SHISA6: variants seen among roughly 807,000 people sequenced by gnomAD.
The protein encoded by SHISA6 is protein shisa-6.
Under a neutral mutation model 47.9 loss-of-function variants are expected in SHISA6, and 22 were observed. The ratio of observed to expected loss-of-function variants is 0.46; its 90% CI spans 0.33 to 0.66. The LOEUF is 0.66. Among genes scored for constraint, SHISA6 ranks in the 30% least tolerant of loss-of-function variants. The pLI is 0.02. For missense variants in SHISA6, 680 were observed against 764.6 expected (o/e 0.89, Z 1.30); for synonymous variants, 388 against 337.8 (o/e 1.15, Z -1.63).
intron 3 of SHISA6, among the ~76,000 whole-genome samples, chr17:11,447,394 T>C (rs2908948): frequency 0.32 from 48,119 of 151,988 alleles, 8,753 homozygotes; most frequent in Non-Finnish European, 0.42. Flanking sequence ...GAATAATGAG[T>C]GGTTGAACAT....
chr17:11,380,110 TC>T (rs1912962284), intron 3 of SHISA6: 1 of 152,284 alleles, frequency 6.6e-6, no homozygotes, highest in African/African-American at 2.4e-5. Flanking sequence ...GGGCATGGAC[TC>T]CTCCTCAATT....
chr17:11,528,320 G>A (rs1229045073), intron 3 of SHISA6, among the ~76,000 whole-genome samples: 2 of 152,048 alleles, frequency 1.3e-5, no homozygotes, highest in African/African-American at 4.8e-5. Flanking sequence ...CCCTGAAATG[G>A]GAAAATTTTA....
chr17:11,533,207 T>G (rs937861032), intron 3 of SHISA6, among the ~76,000 whole-genome samples: 5 of 152,176 alleles, frequency 3.3e-5, no homozygotes, highest in Non-Finnish European at 7.3e-5. Flanking sequence ...TATGGAGACC[T>G]CAGAGCTGAT....
Position 11,337,196 on chromosome 17 carries a change from AG to A in SHISA6, c.800-42213del, listed in dbSNP as rs373197441. ...AGGTAGTTTATATGGGAGAGGATCC[AG>A]GGGGCAGAAGTGAGAGAGTGGGCAA... On this transcript the variant is annotated intron_variant, in intron 2 of 5. Transcript: ENST00000441885. Among the ~76,000 whole-genome samples the A allele has an allele frequency of 4.5e-3, 692 of 152,296 alleles. 5 individuals carry two copies. Among genetic ancestry groups the A allele is most frequent in the African/African-American group, 0.016 (645 of 41,556 alleles).
chr17:11,254,577 T>C (rs908024960), intron 1 of SHISA6, among the ~76,000 whole-genome samples: 1 of 152,202 alleles, frequency 6.6e-6, no homozygotes, highest in Non-Finnish European at 1.5e-5. Context: ...GCCCCTCCTC[T>C]CATGCACAGC....
chr17:11,312,876 A>G (rs1376235381), intron 2 of SHISA6, among the ~76,000 whole-genome samples: 1 of 152,198 alleles, frequency 6.6e-6, no homozygotes, highest in Admixed American at 6.5e-5. Flanking sequence ...CAAAATTTGT[A>G]TAGAATGCTA....
In SHISA6 at chr17:11,481,981, G is replaced by A. The variant is rs147269001; in HGVS notation, c.896-69915G>A. 2.1e-4 allele frequency among the ~76,000 whole-genome samples: 32 copies of A among 152,290 alleles called. No individual in the cohort carries two copies. The East Asian group carries it at 4.4e-3, about 21-fold the overall frequency. On this transcript the variant is annotated intron_variant, in intron 3 of 5. Coordinates refer to ENST00000441885, the MANE Select transcript of SHISA6 (RefSeq NM_207386.4). ...GGAGATGCTCTCCAGATGCAGAAGC[G>A]AAAGGACTAAAAGATGGGAATGGAC...
intron 4 of SHISA6, 128 bp from the exon 5 acceptor site, chr17:11,555,612 A>G: frequency 9.3e-7 from 1 of 1,073,768 alleles, no homozygotes; most frequent in Non-Finnish European, 1.3e-6. Flanking sequence ...AGTCAATAGT[A>G]TCACCTATGT....
intron 4 of SHISA6, among the ~76,000 whole-genome samples, chr17:11,554,896 G>A (rs898551879): frequency 1.3e-5 from 2 of 151,968 alleles, no homozygotes; most frequent in Admixed American, 6.6e-5. Context: ...ACTGCACTGG[G>A]CTCCCATCAG....
chr17:11,453,141 TGGAAGAGGCCCAG>T (rs1215587472), intron 3 of SHISA6, among the ~76,000 whole-genome samples: 1 of 152,202 alleles, frequency 6.6e-6, no homozygotes, highest in East Asian at 1.9e-4. Flanking sequence ...CTCATGATTT[TGGAAGAGGCCCAG>T]GGATGTTGAA....
chr17:11,547,334 T>G (rs1417002990), intron 3 of SHISA6, among the ~76,000 whole-genome samples: 3 of 152,216 alleles, frequency 2.0e-5, no homozygotes, highest in African/African-American at 7.2e-5. Context: ...GAAATCTCAG[T>G]AAGTTCCAAA....
chr17:11,441,652 T>C (rs772932033), intron 3 of SHISA6, among the ~76,000 whole-genome samples: 1 of 152,200 alleles, frequency 6.6e-6, no homozygotes, highest in South Asian at 2.1e-4. Flanking sequence ...GAGGAAAAGA[T>C]AGTTCTAGAT....
intron 2 of SHISA6, among the ~76,000 whole-genome samples, chr17:11,277,080 A>C (rs1001745575): frequency 6.6e-6 from 1 of 152,130 alleles, no homozygotes; most frequent in Admixed American, 6.5e-5. Context: ...CAAGGACTTG[A>C]AATGAATAGC....
intron 1 of SHISA6, among the ~76,000 whole-genome samples, chr17:11,250,918 C>T (rs891090886): frequency 2.0e-5 from 3 of 151,900 alleles, no homozygotes; most frequent in South Asian, 2.1e-4. Flanking sequence ...ATAAGAGTGC[C>T]GGGTCTCGAG....
At chr17:11,540,577 C>A (rs916264195) in intron 3 of SHISA6, among the ~76,000 whole-genome samples, 1 of 152,194 alleles carries the variant, frequency 6.6e-6, no homozygotes, top group Non-Finnish European at 1.5e-5. Flanking sequence ...CCTGCTAACA[C>A]TTTTGAATGT....
At chr17:11,400,914 T>C (rs1221297512) in intron 3 of SHISA6, among the ~76,000 whole-genome samples, 2 of 152,254 alleles carry the variant, frequency 1.3e-5, no homozygotes, top group African/African-American at 2.4e-5. Context: ...TTTTTCTGTG[T>C]ACTTCACCCT....
intron 2 of SHISA6, among the ~76,000 whole-genome samples, chr17:11,352,047 C>T (rs1397308753): frequency 6.6e-6 from 1 of 152,050 alleles, no homozygotes; most frequent in Non-Finnish European, 1.5e-5. Context: ...AGGGACAGAA[C>T]AAGTGCACAA....
chr17:11,335,261 T>C (rs1295495523), intron 2 of SHISA6, among the ~76,000 whole-genome samples: 1 of 152,202 alleles, frequency 6.6e-6, no homozygotes, highest in Admixed American at 6.5e-5. Flanking sequence ...TGCTCGCTGC[T>C]TCCTTTGGGT....
chr17:11,545,216 A>C (rs922737147), intron 3 of SHISA6, among the ~76,000 whole-genome samples: 2 of 152,160 alleles, frequency 1.3e-5, no homozygotes, highest in African/African-American at 4.8e-5. Context: ...AATAAAAAGC[A>C]ATGAACCATT....
Sources: gnomAD v4.1 joint callset for allele counts (sites outside exome capture counted in the v4.1 genomes callset) on GRCh38, gnomAD v4.1.1 for gene constraint, MANE v1.5 for transcripts, NCBI Gene and HGNC (gene_info 2026-07-23, HGNC 2026-07-21) for gene names.